STUM: variants seen among roughly 807,000 people sequenced by gnomAD.
The protein encoded by STUM is stum, mechanosensory transduction mediator homolog.
In STUM, 8 loss-of-function variants were observed where a neutral mutation model predicts 15.3. The observed-to-expected ratio is 0.52, with a 90% CI of 0.31 to 0.94. The LOEUF is 0.94. Among genes scored for constraint, STUM ranks in the 40% least tolerant of loss-of-function variants. STUM has a pLI of 0.05. For missense variants in STUM, 142 were observed against 204.9 expected, an observed-to-expected ratio of 0.69 and a Z score of 1.87; for synonymous variants, 78 against 88.7, an observed-to-expected ratio of 0.88 and a Z score of 0.68.
At position 226,550,941 on chromosome 1, in the gene STUM, T is replaced by TAAAC. The variant is rs369081451; in HGVS notation, c.202+1847_202+1850dup. Among the ~76,000 whole-genome samples the TAAAC allele has an allele frequency of 1.5e-3, 222 of 151,996 alleles. 1 individual carries two copies. Among genetic ancestry groups the TAAAC allele is most frequent in the African/African-American group, 5.2e-3 (214 of 41,434 alleles). ...ATGGGATTTTTGTGAAACAAACAAA[T>TAAAC]AAACAAACAAACAAAACAAACCATT... On this transcript the variant is annotated intron_variant, in intron 1 of 3. Transcript: ENST00000366788.
At chr1:226,575,039 G>T (rs748351790) in intron 1 of STUM, among the ~76,000 whole-genome samples, 2 of 152,170 alleles carry the variant, frequency 1.3e-5, no homozygotes, top group African/African-American at 4.8e-5. Flanking sequence ...TGCATATGTG[G>T]ACTCACTGGC....
At chr1:226,573,226 T>C (rs921308437) in intron 1 of STUM, among the ~76,000 whole-genome samples, 1 of 152,230 alleles carries the variant, frequency 6.6e-6, no homozygotes, top group Non-Finnish European at 1.5e-5. Context: ...GCCAGGTCAA[T>C]TAAGCATTTT....
rs2102681703 is a variant in STUM, at chr1:226,548,868, G to C, written c.-37G>C. The C allele has an allele frequency of 6.1e-6, 8 of 1,310,502 alleles. No individual in the cohort carries two copies. The highest frequency in any genetic ancestry group is 3.2e-5 in the East Asian group (1 of 31,486). 81.2% of individuals were successfully genotyped at this position (1,310,502 alleles called of 1,614,324 possible). On this transcript the variant is annotated 5_prime_UTR_variant, in exon 1 of 4. Transcript: ENST00000366788. ...CTCCCGTACGCTGGGCGCCAGCTCC[G>C]GCCGTGCTGCCCGGCTGCCTGAGAG...
At chr1:226,595,089 A>G (rs1236469954) in intron 1 of STUM, among the ~76,000 whole-genome samples, 2 of 152,234 alleles carry the variant, frequency 1.3e-5, no homozygotes, top group African/African-American at 2.4e-5. Context: ...GCACAGTCCA[A>G]GTCTGAAATC....
At chr1:226,601,615 T>C (rs1237413907) in intron 3 of STUM, among the ~76,000 whole-genome samples, 1 of 152,092 alleles carries the variant, frequency 6.6e-6, no homozygotes, top group East Asian at 1.9e-4. Context: ...TCTTCCTCCT[T>C]CTATCCACCC....
chr1:226,581,413 TTTA>T (rs1478152424), intron 1 of STUM, among the ~76,000 whole-genome samples: 1 of 152,224 alleles, frequency 6.6e-6, no homozygotes, highest in Non-Finnish European at 1.5e-5. Flanking sequence ...CAGAATGAAG[TTTA>T]TTTAGCTCAC....
intron 3 of STUM, 75 bp from the exon 4 acceptor site, chr1:226,601,931 G>T (rs201088618): frequency 7.6e-5 from 100 of 1,314,748 alleles, no homozygotes; most frequent in Admixed American, 2.3e-4. Context: ...GTGCATTCTG[G>T]GCTAGGGGCA....
intron 1 of STUM, among the ~76,000 whole-genome samples, chr1:226,571,548 C>T (rs1667711441): frequency 6.6e-6 from 1 of 151,924 alleles, no homozygotes; most frequent in Non-Finnish European, 1.5e-5. Context: ...AATTAAGATG[C>T]AAATTTTTTT....
chr1:226,570,095 T>TG (rs1667683819), intron 1 of STUM, among the ~76,000 whole-genome samples: 1 of 152,094 alleles, frequency 6.6e-6, no homozygotes, highest in South Asian at 2.1e-4. Flanking sequence ...ACAAGCCCCC[T>TG]GCTGGATGTT....
chr1:226,602,233 C>G lies in STUM; in HGVS notation c.*193C>G. 1.7e-6 allele frequency: 1 copy of G among 586,128 alleles called. No individual in the cohort carries two copies. The highest frequency in any genetic ancestry group is 1.9e-5 in the African/African-American group (1 of 53,708). 36.3% of individuals were successfully genotyped at this position (586,128 alleles called of 1,614,324 possible). On this transcript the variant is annotated 3_prime_UTR_variant, in exon 4 of 4. Transcript: ENST00000366788. Reference sequence around the variant, plus strand: ...CAGCAGGTTGTGAGGGCTGCCAGCCCCTCCTGCTCTGGAAAGCACTGTGGG... The same window carrying G: ...CAGCAGGTTGTGAGGGCTGCCAGCCGCTCCTGCTCTGGAAAGCACTGTGGG...
rs1269645546 is a variant in STUM, at chr1:226,608,358, C to T, written c.*6318C>T. 1 of 152,160 alleles carries T rather than the reference C, an allele frequency of 6.6e-6. No homozygotes were observed. 9.4% of individuals were successfully genotyped at this position (152,160 alleles called of 1,614,324 possible). ...ATAGGCTCCTCGTGGGCACCGTCAC[C>T]CCAGAAGGCCTGGGCACCCATGAGA... On this transcript the variant is annotated 3_prime_UTR_variant, in exon 4 of 4. Coordinates refer to ENST00000366788, the MANE Select transcript of STUM (RefSeq NM_001003665.4). This position sits in a 1 kb window ranked among gnomAD's most constrained non-coding sequence, Gnocchi z 4.0.
At chr1:226,595,290 T>G (rs1441393710) in intron 1 of STUM, among the ~76,000 whole-genome samples, 3 of 152,284 alleles carry the variant, frequency 2.0e-5, no homozygotes, top group Non-Finnish European at 4.4e-5. Flanking sequence ...CCTCTGCCTG[T>G]TTGTTCCTGC....
At chr1:226,576,687 A>G (rs1001298433) in intron 1 of STUM, among the ~76,000 whole-genome samples, 65 of 152,244 alleles carry the variant, frequency 4.3e-4, no homozygotes, top group African/African-American at 1.5e-3. Flanking sequence ...GGACATTTTC[A>G]TCTTCCCAAA....
At position 226,609,042 on chromosome 1, in the gene STUM, T is replaced by C. The variant is rs562959900; in HGVS notation, c.*7002T>C. The stretch of plus-strand genomic sequence containing the variant: ...TGACAGTCAAAACCTGTGTACATAT[T>C]TCCATGTACATATTTATACATACAC... On this transcript the variant is annotated 3_prime_UTR_variant, in exon 4 of 4. Coordinates refer to ENST00000366788, the MANE Select transcript of STUM (RefSeq NM_001003665.4). The C allele has an allele frequency of 4.1e-4, 62 of 152,368 alleles. No individual in the cohort carries two copies. The highest frequency in any genetic ancestry group is 1.5e-3 in the African/African-American group (62 of 41,580). 9.4% of individuals were successfully genotyped at this position (152,368 alleles called of 1,614,324 possible).
intron 1 of STUM, among the ~76,000 whole-genome samples, chr1:226,584,755 C>T (rs146208706): frequency 2.0e-5 from 3 of 152,322 alleles, no homozygotes; most frequent in East Asian, 1.9e-4. Flanking sequence ...TTGTGTTAGA[C>T]ATCTGTGTGC....
At chr1:226,594,800 G>A (rs576315896) in intron 1 of STUM, among the ~76,000 whole-genome samples, 7 of 152,200 alleles carry the variant, frequency 4.6e-5, no homozygotes, top group Non-Finnish European at 8.8e-5. Context: ...GATTACAGGC[G>A]CCCGCCACCA....
chr1:226,594,303 T>A (rs1011637868), intron 1 of STUM, among the ~76,000 whole-genome samples: 1 of 151,254 alleles, frequency 6.6e-6, no homozygotes, highest in Admixed American at 6.6e-5. Context: ...AGGAGGAAAA[T>A]AAGGCAGGGT....
intron 1 of STUM, among the ~76,000 whole-genome samples, chr1:226,583,515 A>G (rs188437618): frequency 1.2e-3 from 185 of 152,290 alleles, no homozygotes; most frequent in African/African-American, 4.3e-3. Flanking sequence ...GCAAGCACAC[A>G]TGTCTATCCT....
At chr1:226,589,977 A>G (rs996285933) in intron 1 of STUM, among the ~76,000 whole-genome samples, 2 of 152,012 alleles carry the variant, frequency 1.3e-5, no homozygotes, top group African/African-American at 4.8e-5. Flanking sequence ...TCCTAGATCC[A>G]TCCCTGTGCC....
Sources: gnomAD v4.1 joint callset for allele counts (sites outside exome capture counted in the v4.1 genomes callset) on GRCh38, gnomAD v4.1.1 for gene constraint, Gnocchi (gnomAD v3.1) non-coding constraint, MANE v1.5 for transcripts, NCBI Gene and HGNC (gene_info 2026-07-23, HGNC 2026-07-21) for gene names.